METTL23: variants seen among roughly 807,000 people sequenced by gnomAD.
The protein encoded by METTL23 is methyltransferase 23, arginine, also known as histone-arginine methyltransferase METTL23.
In METTL23, 24 loss-of-function variants were observed where a neutral mutation model predicts 21.2. That is an observed-to-expected ratio of 1.13 (90% CI 0.82 to 1.59). METTL23 has a LOEUF of 1.59. Among genes scored for constraint, METTL23 ranks in the 40% most tolerant of loss-of-function variants. The probability of loss-of-function intolerance (pLI) is 0.00; values close to 1 mark genes in which losing one functional copy is unlikely to be tolerated. For synonymous variants in METTL23, 97 were observed against 75.2 expected, an observed-to-expected ratio of 1.29 and a Z score of -1.50; for missense variants, 276 against 221.4, an observed-to-expected ratio of 1.25 and a Z score of -1.57.
chr17:76,730,012 C>T (rs911874134), intron 2 of METTL23, among the ~76,000 whole-genome samples: 1 of 152,138 alleles, frequency 6.6e-6, no homozygotes, highest in Non-Finnish European at 1.5e-5. Context: ...GGTTTTTCGG[C>T]TGGGCATGGT....
rs1336912577 is a variant in METTL23 at position 76,726,923 on chromosome 17, G to A, written c.-277G>A. 4.4e-6 allele frequency: 2 copies of A among 453,892 alleles called. No individual in the cohort carries two copies. Among genetic ancestry groups the A allele is most frequent in the Non-Finnish European group, 8.9e-6 (2 of 224,736 alleles). The allele number at this position is 453,892 out of a possible 1,614,324, so 28.1% of individuals were successfully genotyped here. A position where few individuals can be genotyped will look rare whatever the true frequency, so the allele number is the denominator to read the frequency against. On this transcript the variant is annotated 5_prime_UTR_variant, in exon 1 of 5. Coordinates refer to ENST00000341249, the MANE Select transcript of METTL23 (RefSeq NM_001080510.5). ...GCTCCGGGCTTTCTTCGCTCGCAGC[G>A]CGGCAGGGTTATCACCAGATCTGGG...
At chr17:76,726,601 G>C, upstream of METTL23, 1 of 1,317,082 alleles carries the variant, frequency 7.6e-7, no homozygotes, top group Non-Finnish European at 1.0e-6. Flanking sequence ...CAGTCCCGGC[G>C]CCTTTAAAGT....
chr17:76,728,416 T>TTGTTTTTTTTGTTTTGTTTTGTTTG (rs2077051165), intron 1 of METTL23, among the ~76,000 whole-genome samples: 1 of 5,190 alleles, frequency 1.9e-4, no homozygotes, highest in South Asian at 6.6e-3. Flanking sequence ...TCACGGATTT[T>TTGTTTTTTTTGTTTTGTTTTGTTTG]TTTTTTTTTT....
chr17:76,726,775 G>A, upstream of METTL23: 1 of 440,852 alleles, frequency 2.3e-6, no homozygotes, highest in Non-Finnish European at 4.3e-6. Context: ...GGAAGGTCAC[G>A]TCGGCTGCGT....
At chr17:76,727,461 A>G in intron 1 of METTL23, 1 of 203,100 alleles carries the variant, frequency 4.9e-6, no homozygotes, top group Non-Finnish European at 1.0e-5. Flanking sequence ...CGGCCTCCCA[A>G]AGTGCTAGGA....
At chr17:76,732,955 T>C in intron 2 of METTL23, 23 bp from the exon 3 acceptor site, 1 of 1,531,574 alleles carries the variant, frequency 6.5e-7, no homozygotes, top group Non-Finnish European at 8.9e-7. Flanking sequence ...AATTGTGAAA[T>C]GCCATCTTTC....
At chr17:76,729,635 G>C (rs2077111308) in intron 1 of METTL23, 55 bp from the exon 2 acceptor site, 2 of 1,244,950 alleles carry the variant, frequency 1.6e-6, no homozygotes, top group East Asian at 5.1e-5. Context: ...CTGTATGAAT[G>C]ATTCCAACTT....
upstream of METTL23, chr17:76,726,642 C>T (rs935530353): frequency 6.4e-6 from 6 of 938,070 alleles, no homozygotes; most frequent in Admixed American, 1.9e-4. Context: ...CCCCAGCCAC[C>T]TCCCGAGCCT....
rs770334284 is a variant in METTL23, at chr17:76,733,063, ACT to A, written c.171_172del (p.His57GlnfsTer13). ...CTGTCAGACAGCTCAGAACTGCCTC[ACT>A]GTCTGGAAGTCTGTCGGCAAAGCTG... is the stretch of plus-strand genomic sequence containing the variant. On this transcript the variant is annotated frameshift_variant, in exon 3 of 5. Transcript: ENST00000341249. LOFTEE classifies it high-confidence loss of function. 21 of 1,606,928 alleles carry A rather than the reference ACT, an allele frequency of 1.3e-5. No individual in the cohort carries two copies. The highest frequency in any genetic ancestry group is 1.6e-5 in the Non-Finnish European group (19 of 1,176,340).
upstream of METTL23, chr17:76,726,796 CCCCG>C: frequency 2.6e-6 from 1 of 386,342 alleles, no homozygotes; most frequent in South Asian, 2.2e-5. Context: ...CACCGCCCCG[CCCCG>C]CCCCGCCCCT....
upstream of METTL23, chr17:76,726,676 C>G (rs1568004726): frequency 4.5e-6 from 3 of 673,552 alleles, no homozygotes; most frequent in African/African-American, 1.9e-5. Flanking sequence ...CGGCCGCCGT[C>G]TTCCCCGCCC....
chr17:76,726,600 C>A, upstream of METTL23: 1 of 1,332,210 alleles, frequency 7.5e-7, no homozygotes, highest in Non-Finnish European at 1.0e-6. Flanking sequence ...TCAGTCCCGG[C>A]GCCTTTAAAG....
chr17:76,726,825 C>T, upstream of METTL23: 1 of 394,824 alleles, frequency 2.5e-6, no homozygotes, highest in South Asian at 1.9e-5. Context: ...TCCCGCGCTG[C>T]CGCTGTGCCC....
At chr17:76,730,954 A>T (rs1272492882) in intron 2 of METTL23, among the ~76,000 whole-genome samples, 1 of 152,164 alleles carries the variant, frequency 6.6e-6, no homozygotes, top group Non-Finnish European at 1.5e-5. Flanking sequence ...ATACAAAAAA[A>T]ATTAGCCGGG....
At chr17:76,730,532 A>G (rs992311759) in intron 2 of METTL23, among the ~76,000 whole-genome samples, 3 of 152,222 alleles carry the variant, frequency 2.0e-5, no homozygotes, top group African/African-American at 7.2e-5. Flanking sequence ...GCTATTCTAG[A>G]TGAAGCCCCT....
intron 2 of METTL23, 185 bp from the exon 3 acceptor site, chr17:76,732,793 T>A (rs1303933133): frequency 1.6e-6 from 1 of 611,318 alleles, no homozygotes; most frequent in African/African-American, 1.9e-5. Context: ...CAGAGTAGAT[T>A]CATAAGGAAT....
At position 76,726,970 on chromosome 17, in the gene METTL23, G is replaced by A. The variant is rs1016012315; in HGVS notation, c.-230G>A. Reference sequence around the variant, plus strand: ...TGGGCTTTCCCCTTCTTGCCGTCAGGTGCTACGGCCACGTGGCCCGCGGCT... The same window carrying A: ...TGGGCTTTCCCCTTCTTGCCGTCAGATGCTACGGCCACGTGGCCCGCGGCT... On this transcript the variant is annotated 5_prime_UTR_variant, in exon 1 of 5. In the 5' UTR this introduces an upstream ATG that the reference lacks. Coordinates refer to ENST00000341249, the MANE Select transcript of METTL23 (RefSeq NM_001080510.5). 1 of 456,568 alleles carries A rather than the reference G, an allele frequency of 2.2e-6. No homozygotes were observed. The highest frequency in any genetic ancestry group is 4.4e-6 in the Non-Finnish European group (1 of 226,948). 28.3% of individuals were successfully genotyped at this position (456,568 alleles called of 1,614,324 possible). A position where few individuals can be genotyped will look rare whatever the true frequency, so the allele number is the denominator to read the frequency against.
chr17:76,726,540 C>A, upstream of METTL23: 1 of 1,525,444 alleles, frequency 6.6e-7, no homozygotes, highest in Admixed American at 2.1e-5. Flanking sequence ...CACTAACGCA[C>A]CCCTCCCCGG....
chr17:76,730,936 T>C (rs902001925), intron 2 of METTL23, among the ~76,000 whole-genome samples: 10 of 152,134 alleles, frequency 6.6e-5, no homozygotes, highest in Non-Finnish European at 2.9e-5. Flanking sequence ...ACCCCGTCTC[T>C]ACTAAAAATA....
Sources: gnomAD v4.1 joint callset for allele counts (sites outside exome capture counted in the v4.1 genomes callset) on GRCh38, gnomAD v4.1.1 for gene constraint, MANE v1.5 for transcripts, NCBI Gene and HGNC (gene_info 2026-07-23, HGNC 2026-07-21) for gene names.